Variants in WDR59 observed in about 807,000 individuals in gnomAD.
WDR59 encodes GATOR2 complex protein WDR59.
A neutral mutation model predicts 131.2 loss-of-function variants in WDR59; 100 were observed. The observed-to-expected ratio is 0.76, with a 90% CI of 0.65 to 0.90. The LOEUF (loss-of-function observed/expected upper bound fraction) is 0.90, where lower values mean the gene tolerates loss of function less well. WDR59 is among the 40% of genes least tolerant of loss of function. WDR59 has a pLI of 0.00. For synonymous variants in WDR59, 601 were observed against 466.2 expected, an observed-to-expected ratio of 1.29 and a Z score of -3.72; for missense variants, 1,203 against 1,262.2, an observed-to-expected ratio of 0.95 and a Z score of 0.71.
intron 1 of WDR59, among the ~76,000 whole-genome samples, chr16:74,980,132 T>A (rs1021673998): frequency 1.3e-5 from 2 of 151,938 alleles, no homozygotes; most frequent in Non-Finnish European, 2.9e-5. Context: ...GTGCTGGAGT[T>A]ATACGCGTGA....
At chr16:74,912,588 C>T (rs1007283758) in intron 13 of WDR59, among the ~76,000 whole-genome samples, 17 of 152,150 alleles carry the variant, frequency 1.1e-4, no homozygotes, top group African/African-American at 3.1e-4. Flanking sequence ...GTTGCTGAGA[C>T]CAGCTCGGTC....
In WDR59 at chr16:74,940,813, C is replaced by G. The variant is rs1305061857; in HGVS notation, c.534+1925G>C. 2.6e-5 allele frequency among the ~76,000 whole-genome samples: 4 copies of G among 152,204 alleles called. No homozygotes were observed. In the East Asian group the frequency reaches 5.9e-4, roughly 22 times the overall value. ...CTCCGCCTCCCGGGTTCAAGCGATT[C>G]TCCTGCCTCAGCCTCCCGAGTAGCT... On this transcript the variant is annotated intron_variant, in intron 7 of 25. Coordinates refer to ENST00000262144, the MANE Select transcript of WDR59 (RefSeq NM_030581.4).
In WDR59 at chr16:74,981,639, TATATATATA is replaced by T. The variant is rs2034419450; in HGVS notation, c.54+3316_54+3324del. Among the ~76,000 whole-genome samples, 93 of 40,890 alleles carry T rather than the reference TATATATATA, an allele frequency of 2.3e-3. 10 individuals are homozygous for T. Among genetic ancestry groups the T allele is most frequent in the African/African-American group, 0.011 (89 of 7,786 alleles). 26.8% of individuals were successfully genotyped at this position (40,890 alleles called of 152,430 possible). On this transcript the variant is annotated intron_variant, in intron 1 of 25. Transcript: ENST00000262144. ...ATATATATATATATATATATATATA[TATATATATA>T]TATATATATATATTTTTTTTTTTTT... is the stretch of plus-strand genomic sequence containing the variant.
intron 18 of WDR59, among the ~76,000 whole-genome samples, chr16:74,900,284 C>T (rs10514388): frequency 0.044 from 6,712 of 152,014 alleles, 278 homozygotes; most frequent in African/African-American, 0.11. Context: ...GCCTGCAGGA[C>T]TATCTTCAGA....
intron 2 of WDR59, chr16:74,959,506 TG>T (rs2033462013): frequency 4.4e-6 from 2 of 451,384 alleles, no homozygotes; most frequent in South Asian, 3.1e-5. Context: ...CAGCTCACAC[TG>T]GAACTCTTAG....
At chr16:74,909,773 A>T in intron 15 of WDR59, 49 bp downstream of exon 15, 1 of 1,589,204 alleles carries the variant, frequency 6.3e-7, no homozygotes, top group Non-Finnish European at 8.5e-7. Context: ...GAAAGAAATG[A>T]AACAAAACAC....
intron 2 of WDR59, chr16:74,959,615 T>C (rs1567433504): frequency 2.4e-6 from 1 of 424,172 alleles, no homozygotes; most frequent in Admixed American, 2.7e-5. Context: ...AAAAAAATTA[T>C]AATAAAATAA....
At chr16:74,915,138 C>T (rs1172463251) in intron 13 of WDR59, among the ~76,000 whole-genome samples, 1 of 152,122 alleles carries the variant, frequency 6.6e-6, no homozygotes, top group Non-Finnish European at 1.5e-5. Context: ...GAAGATGGCA[C>T]AGCCCAGCAC....
At chr16:74,877,797 G>A (rs1964287442) in intron 25 of WDR59, among the ~76,000 whole-genome samples, 2 of 152,120 alleles carry the variant, frequency 1.3e-5, no homozygotes, top group South Asian at 2.1e-4. Context: ...CACCTGCCTC[G>A]GCTTCCCAAA....
At chr16:74,914,218 A>T (rs78327159) in intron 13 of WDR59, among the ~76,000 whole-genome samples, 160 of 152,234 alleles carry the variant, frequency 1.1e-3, no homozygotes, top group African/African-American at 3.6e-3. Flanking sequence ...ATCTCAATAA[A>T]AAAAAAAAGA....
At chr16:74,902,809 A>C (rs988364065) in intron 18 of WDR59, among the ~76,000 whole-genome samples, 1 of 152,180 alleles carries the variant, frequency 6.6e-6, no homozygotes, top group Non-Finnish European at 1.5e-5. Context: ...TTGAATGGAA[A>C]GGACTTGGAA....
At chr16:74,959,808 C>G (rs28611307) in intron 2 of WDR59, among the ~76,000 whole-genome samples, 1 of 148,994 alleles carries the variant, frequency 6.7e-6, no homozygotes, top group Non-Finnish European at 1.5e-5. Context: ...CTTGCCTCCC[C>G]ACCGCCCTCC....
chr16:74,930,187 A>T lies in WDR59; in HGVS notation c.652-6184T>A, dbSNP rs374938684. Among the ~76,000 whole-genome samples the T allele has an allele frequency of 3.9e-4, 59 of 152,324 alleles. No homozygotes were observed. The East Asian group carries it at 6.4e-3, about 16-fold the overall frequency. ...TTATTGTACATTTAAGAACAACTGA[A>T]AGGGTATGATTAGAATGTTTATAAC... On this transcript the variant is annotated intron_variant, in intron 8 of 25. Transcript: ENST00000262144.
chr16:74,977,865 C>T (rs1456479312), intron 1 of WDR59, among the ~76,000 whole-genome samples: 3 of 152,122 alleles, frequency 2.0e-5, no homozygotes, highest in Non-Finnish European at 4.4e-5. Flanking sequence ...AAGGAATGCA[C>T]TAACAGATAG....
intron 1 of WDR59, among the ~76,000 whole-genome samples, chr16:74,969,006 T>C (rs1440867960): frequency 6.6e-6 from 1 of 151,704 alleles, no homozygotes; most frequent in East Asian, 1.9e-4. Context: ...GGGAAAGGAG[T>C]CTGCAATCCA....
intron 7 of WDR59, 73 bp downstream of exon 7, chr16:74,942,665 C>A: frequency 6.8e-7 from 1 of 1,466,160 alleles, no homozygotes; most frequent in Non-Finnish European, 9.5e-7. Flanking sequence ...CAAGTCCTGG[C>A]ACTCATAAAA....
At chr16:74,878,518 C>T (rs141019840) in intron 25 of WDR59, among the ~76,000 whole-genome samples, 5 of 152,030 alleles carry the variant, frequency 3.3e-5, no homozygotes, top group South Asian at 2.1e-4. Flanking sequence ...CTGGGCGTGA[C>T]GGCGCACACC....
intron 7 of WDR59, among the ~76,000 whole-genome samples, chr16:74,939,649 G>A (rs891285579): frequency 3.3e-5 from 5 of 152,022 alleles, no homozygotes; most frequent in African/African-American, 7.2e-5. Context: ...TTTCTACAGA[G>A]AGCATGTATT....
At chr16:74,963,921 G>C (rs556473706) in intron 2 of WDR59, among the ~76,000 whole-genome samples, 14 of 151,528 alleles carry the variant, frequency 9.2e-5, no homozygotes, top group South Asian at 2.1e-4. Flanking sequence ...AAGAGAAAAA[G>C]GGAGAAAGAG....
Sources: gnomAD v4.1 joint callset for allele counts (sites outside exome capture counted in the v4.1 genomes callset) on GRCh38, gnomAD v4.1.1 for gene constraint, MANE v1.5 for transcripts, NCBI Gene and HGNC (gene_info 2026-07-23, HGNC 2026-07-21) for gene names.